Variants in IQCK observed in about 807,000 individuals in gnomAD.
The protein encoded by IQCK is IQ domain-containing protein K.
A neutral mutation model predicts 28.1 loss-of-function variants in IQCK; 29 were observed. The ratio of observed to expected loss-of-function variants is 1.03; its 90% CI spans 0.77 to 1.41. IQCK has a LOEUF of 1.41. Among genes scored for constraint, IQCK ranks in the 40% most tolerant of loss-of-function variants. The pLI, the probability that IQCK is intolerant of heterozygous loss-of-function variation, is 0.00. For missense variants in IQCK, 359 were observed against 314.7 expected (o/e 1.14, Z -1.07); for synonymous variants, 113 against 115.1 (o/e 0.98, Z 0.12).
At chr16:19,846,113 T>A (rs1352993286) in intron 9 of IQCK, among the ~76,000 whole-genome samples, 1 of 152,234 alleles carries the variant, frequency 6.6e-6, no homozygotes, top group Admixed American at 6.5e-5. Flanking sequence ...ATTTATTATG[T>A]GCCATACAAT....
chr16:19,804,668 G>A (rs1251967933), intron 7 of IQCK, among the ~76,000 whole-genome samples: 4 of 151,964 alleles, frequency 2.6e-5, no homozygotes, highest in South Asian at 2.1e-4. Context: ...GAGCTCAAGC[G>A]ATCCACTCCC....
intron 7 of IQCK, among the ~76,000 whole-genome samples, chr16:19,817,301 T>TACCAA (rs2056002034): frequency 6.6e-6 from 1 of 152,192 alleles, no homozygotes; most frequent in African/African-American, 2.4e-5. Flanking sequence ...TATTTGCTGA[T>TACCAA]TGGCACAACT....
intron 6 of IQCK, among the ~76,000 whole-genome samples, chr16:19,773,494 G>A (rs905167513): frequency 6.6e-6 from 1 of 152,162 alleles, no homozygotes; most frequent in Non-Finnish European, 1.5e-5. Flanking sequence ...AGAGTTCCTG[G>A]GGAACAAGGA....
intron 7 of IQCK, among the ~76,000 whole-genome samples, chr16:19,816,320 C>T (rs2079620369): frequency 1.3e-5 from 2 of 152,182 alleles, no homozygotes; most frequent in Non-Finnish European, 2.9e-5. Flanking sequence ...CTTACTCTGT[C>T]ACCCAGGCTG....
intron 9 of IQCK, among the ~76,000 whole-genome samples, chr16:19,846,817 ATT>A (rs537574236): frequency 6.7e-6 from 1 of 150,238 alleles, no homozygotes; most frequent in African/African-American, 2.4e-5. Flanking sequence ...AGGGGCATAG[ATT>A]TTTTTTTTCT....
At chr16:19,828,164 G>A (rs762658030), downstream of IQCK, among the ~76,000 whole-genome samples, 22 of 150,972 alleles carry the variant, frequency 1.5e-4, no homozygotes, top group Middle Eastern at 3.2e-3. Context: ...CTGCTGCCTC[G>A]GCCTCCCAAA....
intron 9 of IQCK, among the ~76,000 whole-genome samples, chr16:19,833,306 TCA>T (rs546147088): frequency 9.4e-4 from 143 of 152,230 alleles, no homozygotes; most frequent in African/African-American, 3.3e-3. Context: ...TTACATAAAT[TCA>T]CAGTGTCCAT....
intron 1 of IQCK, among the ~76,000 whole-genome samples, chr16:19,719,383 C>T (rs190264056): frequency 1.3e-5 from 2 of 152,058 alleles, no homozygotes; most frequent in East Asian, 3.9e-4. Context: ...CCATCACTAC[C>T]TAAGCTGCCT....
chr16:19,793,653 T>TTTG (rs2055653464), intron 7 of IQCK, among the ~76,000 whole-genome samples: 1 of 129,128 alleles, frequency 7.7e-6, no homozygotes, highest in African/African-American at 3.5e-5. Context: ...GTTTTTTTTT[T>TTTG]TTTTTTTTTT....
rs181085473 is a variant in IQCK at position 19,768,061 on chromosome 16, C to T, written c.605+3949C>T. Among the ~76,000 whole-genome samples the T allele has an allele frequency of 4.0e-3, 591 of 147,922 alleles. 3 individuals are homozygous for T. The highest frequency in any genetic ancestry group is 0.014 in the African/African-American group (543 of 39,932). On this transcript the variant is annotated intron_variant, in intron 6 of 7. Transcript: ENST00000564186. ...TTCCTAGGTAATTCTAATATATAGC[C>T]AGGATTAAGAGCTTATCCATCCATA...
chr16:19,766,035 G>A (rs759122096), intron 6 of IQCK: 3 of 152,178 alleles, frequency 2.0e-5, no homozygotes, highest in Non-Finnish European at 2.9e-5. Flanking sequence ...GAGCAGTAGC[G>A]GTCATTTCAG....
chr16:19,813,930 C>A (rs1488297046), intron 7 of IQCK, among the ~76,000 whole-genome samples: 2 of 151,840 alleles, frequency 1.3e-5, no homozygotes, highest in Non-Finnish European at 2.9e-5. Flanking sequence ...TTAAAGAAAA[C>A]AATTAGGGCT....
intron 7 of IQCK, among the ~76,000 whole-genome samples, chr16:19,821,688 C>T (rs554594714): frequency 1.1e-4 from 17 of 152,064 alleles, no homozygotes; most frequent in Non-Finnish European, 1.6e-4. Context: ...AACGAGACTC[C>T]GTCTCAATAA....
At chr16:19,735,506 C>A in intron 4 of IQCK, 56 bp downstream of exon 4, 3 of 1,290,338 alleles carry the variant, frequency 2.3e-6, no homozygotes, top group Non-Finnish European at 3.4e-6. Flanking sequence ...TCATTATTAT[C>A]AGATGATAGC....
chr16:19,855,306 A>G (rs2056544694), intron 9 of IQCK, among the ~76,000 whole-genome samples: 1 of 152,110 alleles, frequency 6.6e-6, no homozygotes, highest in African/African-American at 2.4e-5. Context: ...GAAAATAACC[A>G]CAGGGCCAGG....
intron 1 of IQCK, among the ~76,000 whole-genome samples, chr16:19,726,774 G>A (rs954359521): frequency 1.3e-5 from 2 of 152,118 alleles, no homozygotes; most frequent in African/African-American, 4.8e-5. Context: ...AGTATTCTGT[G>A]GGGAAATAAT....
downstream of IQCK, among the ~76,000 whole-genome samples, chr16:19,827,587 A>G (rs1000190358): frequency 1.3e-5 from 2 of 152,192 alleles, no homozygotes; most frequent in Non-Finnish European, 2.9e-5. Context: ...CAGATTAAAC[A>G]TTATTTCTAG....
intron 1 of IQCK, among the ~76,000 whole-genome samples, chr16:19,729,084 C>T (rs985154952): frequency 3.9e-5 from 6 of 152,146 alleles, no homozygotes; most frequent in African/African-American, 1.4e-4. Flanking sequence ...ATTTTCTGTT[C>T]CTCTGTCAGT....
intron 1 of IQCK, among the ~76,000 whole-genome samples, chr16:19,718,977 G>A (rs1162349469): frequency 1.3e-5 from 2 of 152,182 alleles, no homozygotes; most frequent in African/African-American, 4.8e-5. Context: ...GTGGACAAAC[G>A]GGTTTTAGTC....
Sources: gnomAD v4.1 joint callset for allele counts (sites outside exome capture counted in the v4.1 genomes callset) on GRCh38, gnomAD v4.1.1 for gene constraint, MANE v1.5 for transcripts, NCBI Gene and HGNC (gene_info 2026-07-23, HGNC 2026-07-21) for gene names.